C1QTNF7: variants seen among roughly 807,000 people sequenced by gnomAD.
C1QTNF7 encodes the protein complement C1q tumor necrosis factor-related protein 7.
A neutral mutation model predicts 19.6 loss-of-function variants in C1QTNF7; 15 were observed. The ratio of observed to expected loss-of-function variants is 0.76; its 90% CI spans 0.51 to 1.18. The LOEUF (loss-of-function observed/expected upper bound fraction) is 1.18. Ranked by LOEUF, C1QTNF7 falls within the 50% of genes most tolerant of loss-of-function variation. C1QTNF7 has a pLI of 0.00. For synonymous variants in C1QTNF7, 142 were observed against 137.5 expected (o/e 1.03, Z -0.23); for missense variants, 324 against 359.7 (o/e 0.90, Z 0.80).
chr4:15,422,209 T>TAAAAA lies in C1QTNF7; in HGVS notation c.14-13527_14-13526insAAAAA, dbSNP rs386399348. 3.9e-3 allele frequency among the ~76,000 whole-genome samples: 202 copies of TAAAAA among 51,438 alleles called. 1 individual carries two copies. The highest frequency in any genetic ancestry group is 0.015 in the South Asian group (16 of 1,062). The allele number at this position is 51,438 out of a possible 152,430, so 33.7% of individuals were successfully genotyped here. A position where few individuals can be genotyped will look rare whatever the true frequency, so the allele number is the denominator to read the frequency against. On this transcript the variant is annotated intron_variant, in intron 1 of 2. Transcript: ENST00000295297. ...TATAATCTAATAAACCTGTTTTTTT[T>TAAAAA]TAAAAAAAAAAAAAAGGATATTGCA...
chr4:15,391,406 A>G (rs749858591), intron 1 of C1QTNF7, among the ~76,000 whole-genome samples: 13 of 152,004 alleles, frequency 8.6e-5, no homozygotes, highest in Non-Finnish European at 1.6e-4. Context: ...GGGTGGGGAG[A>G]CCCCACCTGA....
At chr4:15,403,687 T>C (rs1434773362) in intron 1 of C1QTNF7, among the ~76,000 whole-genome samples, 3 of 152,174 alleles carry the variant, frequency 2.0e-5, no homozygotes, top group African/African-American at 7.2e-5. Flanking sequence ...TAAGTTTGCA[T>C]TCACAGGTTT....
intron 1 of C1QTNF7, among the ~76,000 whole-genome samples, chr4:15,388,482 G>T (rs981912124): frequency 1.3e-5 from 2 of 152,142 alleles, no homozygotes; most frequent in African/African-American, 4.8e-5. Context: ...ACATGAATAA[G>T]GTACAAATTA....
chr4:15,342,705 T>C (rs191413271), intron 1 of C1QTNF7, among the ~76,000 whole-genome samples: 29 of 152,302 alleles, frequency 1.9e-4, no homozygotes, highest in Admixed American at 1.6e-3. Flanking sequence ...ATAAGACAAG[T>C]AGCTTGGGCC....
chr4:15,375,684 C>T (rs114550613), intron 1 of C1QTNF7, among the ~76,000 whole-genome samples: 53 of 152,208 alleles, frequency 3.5e-4, no homozygotes, highest in African/African-American at 1.2e-3. Context: ...ACATATGTCC[C>T]GAGTCCTCAC....
At chr4:15,429,263 C>G (rs1291581926) in intron 1 of C1QTNF7, among the ~76,000 whole-genome samples, 8 of 152,160 alleles carry the variant, frequency 5.3e-5, no homozygotes, top group African/African-American at 1.9e-4. Context: ...TTCAACCATT[C>G]TTATGTGTAC....
At chr4:15,347,653 G>T (rs1188466950) in intron 1 of C1QTNF7, among the ~76,000 whole-genome samples, 2 of 152,148 alleles carry the variant, frequency 1.3e-5, no homozygotes, top group African/African-American at 4.8e-5. Context: ...TCTGGAATTA[G>T]CAAGAAGGTG....
intron 1 of C1QTNF7, among the ~76,000 whole-genome samples, chr4:15,429,208 G>GT (rs1277805641): frequency 3.3e-5 from 5 of 152,102 alleles, no homozygotes; most frequent in African/African-American, 7.2e-5. Flanking sequence ...TTTTTATTCA[G>GT]TTTTTTTAAT....
At chr4:15,431,104 A>AGATT (rs1176077308) in intron 1 of C1QTNF7, among the ~76,000 whole-genome samples, 2 of 145,256 alleles carry the variant, frequency 1.4e-5, no homozygotes, top group African/African-American at 2.5e-5. Flanking sequence ...ATAGATAGAT[A>AGATT]GATTCATTGC....
chr4:15,342,362 A>T (rs1560334623), intron 1 of C1QTNF7, among the ~76,000 whole-genome samples: 1 of 152,202 alleles, frequency 6.6e-6, no homozygotes, highest in Non-Finnish European at 1.5e-5. Context: ...AAGGTTAGGG[A>T]TCAATGGCTG....
chr4:15,366,840 G>GC (rs1442565548), intron 1 of C1QTNF7, among the ~76,000 whole-genome samples: 1 of 152,202 alleles, frequency 6.6e-6, no homozygotes, highest in Non-Finnish European at 1.5e-5. Context: ...GACAGGAAGT[G>GC]CATGTGTGAC....
intron 1 of C1QTNF7, among the ~76,000 whole-genome samples, chr4:15,354,258 C>T (rs531234934): frequency 1.3e-5 from 2 of 152,210 alleles, no homozygotes; most frequent in African/African-American, 4.8e-5. Flanking sequence ...CCTGTTTGGT[C>T]AGTGAAGAAT....
intron 1 of C1QTNF7, among the ~76,000 whole-genome samples, chr4:15,348,053 G>A (rs35663437): frequency 0.22 from 33,492 of 152,002 alleles, 4,299 homozygotes; most frequent in East Asian, 0.3. Context: ...TATTAAATGA[G>A]ATATATTTGC....
At chr4:15,359,398 A>G (rs1425047105) in intron 1 of C1QTNF7, among the ~76,000 whole-genome samples, 1 of 152,168 alleles carries the variant, frequency 6.6e-6, no homozygotes. Context: ...AGGTGGAAAG[A>G]ATGTCTGGGA....
chr4:15,442,758 A>G lies in C1QTNF7; in HGVS notation c.829A>G (p.Thr277Ala), dbSNP rs372133082. The G allele has an allele frequency of 5.1e-5, 83 of 1,613,598 alleles. No homozygotes were observed. In the Middle Eastern group the frequency reaches 1.5e-3, roughly 29 times the overall value. Reference sequence around the variant, plus strand: ...CTCCGGGTTTCTCTTATACGTTGACACAGATTACCTAGATTCCATATCAGA... The same window carrying G: ...CTCCGGGTTTCTCTTATACGTTGACGCAGATTACCTAGATTCCATATCAGA... ...LFSGFLLYVD[T>A]DYLDSISEDD... Residue 277 changes from threonine (T) to alanine (A), a missense_variant, in exon 3 of 3, where the codon ACA becomes GCA. Coordinates refer to ENST00000444304, the MANE Select transcript of C1QTNF7 (RefSeq NM_031911.5).
At chr4:15,406,295 G>C (rs1719193290) in intron 1 of C1QTNF7, among the ~76,000 whole-genome samples, 1 of 152,176 alleles carries the variant, frequency 6.6e-6, no homozygotes, top group Admixed American at 6.5e-5. Flanking sequence ...GTATAGACCA[G>C]AGCTAAGAAG....
chr4:15,382,218 T>G (rs1718174438), intron 1 of C1QTNF7, among the ~76,000 whole-genome samples: 1 of 152,174 alleles, frequency 6.6e-6, no homozygotes, highest in African/African-American at 2.4e-5. Context: ...AATGTGGTTT[T>G]CTTTCCATTT....
intron 1 of C1QTNF7, among the ~76,000 whole-genome samples, chr4:15,431,019 G>A (rs1254205141): frequency 1.3e-5 from 2 of 151,742 alleles, no homozygotes; most frequent in Admixed American, 6.6e-5. Flanking sequence ...TGCTGCTCAT[G>A]TCATAAGCCA....
intron 1 of C1QTNF7, among the ~76,000 whole-genome samples, chr4:15,344,943 G>C (rs1476201250): frequency 6.6e-6 from 1 of 152,174 alleles, no homozygotes; most frequent in African/African-American, 2.4e-5. Flanking sequence ...TGCTGTGAAT[G>C]GTAGTTATTC....
Sources: gnomAD v4.1 joint callset for allele counts (sites outside exome capture counted in the v4.1 genomes callset) on GRCh38, gnomAD v4.1.1 for gene constraint, MANE v1.5 for transcripts, NCBI Gene and HGNC (gene_info 2026-07-23, HGNC 2026-07-21) for gene names.